Variants in DENND4C observed in about 807,000 individuals in gnomAD.
DENND4C encodes DENN domain containing 4C.
DENND4C carries 108 observed loss-of-function variants against 203.0 expected under a neutral mutation model. That is an observed-to-expected ratio of 0.53 (90% CI 0.46 to 0.62). The LOEUF is 0.62. Ranked by LOEUF, DENND4C falls within the 20% of genes least tolerant of loss-of-function variation. DENND4C has a pLI of 0.00. For missense variants in DENND4C, 2,481 were observed against 2,301.2 expected, an observed-to-expected ratio of 1.08 and a Z score of -1.60; for synonymous variants, 871 against 792.4, an observed-to-expected ratio of 1.10 and a Z score of -1.67.
chr9:19,276,137 T>A, intron 1 of DENND4C, 21 bp from the exon 2 acceptor site: 1 of 1,181,812 alleles, frequency 8.5e-7, no homozygotes, highest in Non-Finnish European at 1.1e-6. Context: ...TTTATTGGTA[T>A]CTTTCCCCTC....
At chr9:19,343,484 C>T (rs1822126109) in intron 22 of DENND4C, among the ~76,000 whole-genome samples, 1 of 152,194 alleles carries the variant, frequency 6.6e-6, no homozygotes, top group Non-Finnish European at 1.5e-5. Context: ...GAAAATGTAT[C>T]TATTGTATGA....
At position 19,310,641 on chromosome 9, in the gene DENND4C, A is replaced by T. The variant is rs547269322; in HGVS notation, c.1487+5114A>T. 1.4e-4 allele frequency among the ~76,000 whole-genome samples: 22 copies of T among 152,220 alleles called. No homozygotes were observed. The South Asian group carries it at 3.5e-3, about 24-fold the overall frequency. Reference sequence around the variant, plus strand: ...TACCTTCTACTTCTATGTCATTAAAATTTTTTTTAAATCATAAGTAGATAC... The same window carrying T: ...TACCTTCTACTTCTATGTCATTAAATTTTTTTTTAAATCATAAGTAGATAC... On this transcript the variant is annotated intron_variant, in intron 10 of 32. Transcript: ENST00000434457.
chr9:19,350,797 C>T lies in DENND4C; in HGVS notation c.4413C>T (p.Val1471=). Residue 1471 remains valine (V), a synonymous_variant, in exon 24 of 33, where the codon GTC becomes GTT. Coordinates refer to ENST00000434457, the MANE Select transcript of DENND4C (RefSeq NM_001330640.2). The part of the protein sequence containing the change: ...ISPNTSISGL[V]PSELTQSNTS... ...CTAACACAAGTATCTCAGGGTTGGT[C>T]CCCAGTGAACTTACCCAGAGCAACA... 6.2e-7 allele frequency: 1 copy of T among 1,613,816 alleles called. No individual in the cohort carries two copies. Among genetic ancestry groups the T allele is most frequent in the Non-Finnish European group, 8.5e-7 (1 of 1,179,962 alleles).
chr9:19,336,974 T>G (rs1429632232), intron 20 of DENND4C, 142 bp downstream of exon 20: 7 of 810,040 alleles, frequency 8.6e-6, no homozygotes, highest in Non-Finnish European at 1.1e-5. Context: ...ACAATACGAG[T>G]CTGCAGATGA....
At chr9:19,292,761 G>T (rs1836633772) in intron 5 of DENND4C, among the ~76,000 whole-genome samples, 1 of 151,874 alleles carries the variant, frequency 6.6e-6, no homozygotes, top group African/African-American at 2.4e-5. Flanking sequence ...GGCCAGGCTG[G>T]TCTCGAACTC....
At position 19,346,186 on chromosome 9, in the gene DENND4C, T is replaced by C; in HGVS notation, c.3417T>C (p.Ser1139=). 2 of 1,614,226 alleles carry C rather than the reference T, an allele frequency of 1.2e-6. No homozygotes were observed. Among genetic ancestry groups the C allele is most frequent in the South Asian group, 1.1e-5 (1 of 91,086 alleles). Residue 1139 remains serine (S), a synonymous_variant, in exon 23 of 33, where the codon TCT becomes TCC. Coordinates refer to ENST00000434457, the MANE Select transcript of DENND4C (RefSeq NM_001330640.2). Reference sequence around the variant, plus strand: ...CAGCATTGACATGTCCTAAGACTTCTCTACTTCATATTGCAAGAACCCATA... The same window carrying C: ...CAGCATTGACATGTCCTAAGACTTCCCTACTTCATATTGCAAGAACCCATA... ...LTAALTCPKT[S]LLHIARTHSF...
At chr9:19,282,995 A>G (rs966238530) in intron 2 of DENND4C, among the ~76,000 whole-genome samples, 1 of 151,926 alleles carries the variant, frequency 6.6e-6, no homozygotes, top group Non-Finnish European at 1.5e-5. Flanking sequence ...CTGGAATTAC[A>G]GGCGTGAGCC....
rs535499065 is a variant in DENND4C at position 19,275,861 on chromosome 9, C to G, written c.-17-297C>G. Among the ~76,000 whole-genome samples the G allele has an allele frequency of 3.9e-5, 6 of 152,248 alleles. No individual in the cohort carries two copies. The East Asian group carries it at 7.7e-4, about 20-fold the overall frequency. Reference sequence around the variant, plus strand: ...ACCTCAGGTGATCCACTTGCCTTGGCCCCCCAAAGTGCTAGGATTACAGGC... The same window carrying G: ...ACCTCAGGTGATCCACTTGCCTTGGGCCCCCAAAGTGCTAGGATTACAGGC... On this transcript the variant is annotated intron_variant, in intron 1 of 32. Transcript: ENST00000434457.
chr9:19,263,183 A>G (rs771196376), intron 1 of DENND4C, among the ~76,000 whole-genome samples: 12 of 152,196 alleles, frequency 7.9e-5, no homozygotes, highest in African/African-American at 2.7e-4. Context: ...TTCAACATCA[A>G]TTGAAATGAT....
intron 20 of DENND4C, 116 bp from the exon 21 acceptor site, chr9:19,340,876 G>A (rs765719073): frequency 3.4e-6 from 3 of 875,178 alleles, no homozygotes; most frequent in Non-Finnish European, 4.8e-6. Flanking sequence ...GTGCTTTCTT[G>A]TCTTCCTTTT....
Position 19,296,047 on chromosome 9 carries a change from C to T in DENND4C, c.841C>T (p.Arg281Trp), listed in dbSNP as rs768690648. Residue 281 changes from arginine to tryptophan, a missense_variant, in exon 6 of 33, where the codon CGG becomes TGG. Around this residue, in one of 3 missense-constraint regions of DENND4C, gnomAD observed 2,289 missense variants for 2,113.3 expected, o/e 1.08. Transcript: ENST00000434457. Reference sequence around the variant, plus strand: ...CATTCAGTTTTATGAACCTTACTCTCGGGAACTTCTATCAGAGAAACAGCT... The same window carrying T: ...CATTCAGTTTTATGAACCTTACTCTTGGGAACTTCTATCAGAGAAACAGCT... ...AAIQFYEPYS[R>W]ELLSEKQLMH... 5.0e-6 allele frequency: 8 copies of T among 1,613,884 alleles called. No homozygotes were observed. The highest frequency in any genetic ancestry group is 2.7e-5 in the African/African-American group (2 of 74,866).
chr9:19,295,684 A>T (rs1243884088), intron 5 of DENND4C, among the ~76,000 whole-genome samples: 1 of 151,588 alleles, frequency 6.6e-6, no homozygotes, highest in African/African-American at 2.4e-5. Context: ...AAAAAAAAAA[A>T]AAGAAAAAGA....
chr9:19,260,658 A>G (rs899791217), intron 1 of DENND4C, among the ~76,000 whole-genome samples: 23 of 152,210 alleles, frequency 1.5e-4, no homozygotes, highest in Admixed American at 7.2e-4. Flanking sequence ...TGGTCTCCCA[A>G]AGTGCTGTAA....
Position 19,326,189 on chromosome 9 carries a change from G to A in DENND4C, c.2115G>A (p.Lys705=), listed in dbSNP as rs202075030. The A allele has an allele frequency of 1.9e-6, 3 of 1,606,484 alleles. No individual in the cohort carries two copies. Among genetic ancestry groups the A allele is most frequent in the Non-Finnish European group, 2.5e-6 (3 of 1,178,160 alleles). Residue 705 remains lysine (K), a synonymous_variant, in exon 15 of 33, where the codon AAG becomes AAA. Transcript: ENST00000434457. ...PPDDGKDLSP[K]YSYKYFPRLD... is the part of the protein sequence containing the mutation. ...ATGATGGAAAGGACCTGTCACCAAA[G>A]TACAGGTAGTAGGAAGTTTTAAAAG...
intron 26 of DENND4C, 109 bp downstream of exon 26, chr9:19,352,774 C>A: frequency 1.3e-6 from 1 of 747,124 alleles, no homozygotes; most frequent in Non-Finnish European, 2.0e-6. Flanking sequence ...TCCTGTCTGT[C>A]CTTCACCTTC....
chr9:19,284,487 CT>C (rs1353299089), intron 2 of DENND4C, among the ~76,000 whole-genome samples: 1 of 152,116 alleles, frequency 6.6e-6, no homozygotes, highest in African/African-American at 2.4e-5. Flanking sequence ...GAAAAAATTG[CT>C]GGATTAAAAG....
At chr9:19,345,893 A>G (rs1822786788) in intron 22 of DENND4C, 28 bp from the exon 23 acceptor site, 3 of 1,524,204 alleles carry the variant, frequency 2.0e-6, no homozygotes, top group Non-Finnish European at 8.9e-7. Context: ...AAATAGGTTC[A>G]TTGTTAATAT....
chr9:19,234,334 G>T (rs1018066773), intron 1 of DENND4C, among the ~76,000 whole-genome samples: 1 of 151,650 alleles, frequency 6.6e-6, no homozygotes, highest in Non-Finnish European at 1.5e-5. Context: ...AGGTTCAAGC[G>T]ATTCTCCTGT....
intron 1 of DENND4C, among the ~76,000 whole-genome samples, chr9:19,246,480 G>A (rs1183401982): frequency 2.6e-5 from 4 of 152,168 alleles, no homozygotes; most frequent in Non-Finnish European, 5.9e-5. Flanking sequence ...GCTATGTCAA[G>A]CAATCCTCCC....
Sources: allele counts gnomAD v4.1 joint callset (sites outside exome capture counted in the v4.1 genomes callset), GRCh38; gene constraint gnomAD v4.1.1; regional missense constraint gnomAD v4.1.1; transcripts MANE v1.5; gene names NCBI Gene and HGNC (gene_info 2026-07-23, HGNC 2026-07-21).